CACNA2D1: variants seen among roughly 807,000 people sequenced by gnomAD.
The protein encoded by CACNA2D1 is calcium voltage-gated channel auxiliary subunit alpha2delta 1.
In CACNA2D1, 53 loss-of-function variants were observed where a neutral mutation model predicts 171.5. The observed-to-expected ratio is 0.31, with a 90% CI of 0.25 to 0.39. The LOEUF is 0.39. Among genes scored for constraint, CACNA2D1 ranks in the 10% least tolerant of loss-of-function variants. The pLI is 1.00. For synonymous variants in CACNA2D1, 442 were observed against 443.1 expected (o/e 1.00, Z 0.03); for missense variants, 903 against 1,299.8 (o/e 0.69, Z 4.69).
chr7:81,959,242 T>C lies in CACNA2D1; in HGVS notation c.3159+33A>G, dbSNP rs373831530. The C allele has an allele frequency of 2.8e-4, 398 of 1,406,148 alleles. No individual in the cohort carries two copies. Among genetic ancestry groups the C allele is most frequent in the Non-Finnish European group, 3.7e-4 (369 of 990,252 alleles). The allele number at this position is 1,406,148 out of a possible 1,614,324, so 87.1% of individuals were successfully genotyped here. Reference sequence around the variant, plus strand: ...CTTGCGGACAGTGACCATTAATTTATAGTATTTTAATCCAGTAGAAGTGTG... The same window carrying C: ...CTTGCGGACAGTGACCATTAATTTACAGTATTTTAATCCAGTAGAAGTGTG... On this transcript the variant is annotated intron_variant, in intron 38 of 38. Transcript: ENST00000356860.
At position 82,155,345 on chromosome 7, in the gene CACNA2D1, G is replaced by A. The variant is rs1794273946; in HGVS notation, c.354+15205C>T. Among the ~76,000 whole-genome samples the A allele has an allele frequency of 2.0e-5, 3 of 152,034 alleles. No homozygotes were observed. In the South Asian group the frequency reaches 6.2e-4, roughly 32 times the overall value. ...TACATTATTACAATTTGCAGATGAG[G>A]AAACTGATGTTCAGGTAGGTAAGCC... On this transcript the variant is annotated intron_variant, in intron 4 of 38. Coordinates refer to ENST00000356860, the MANE Select transcript of CACNA2D1 (RefSeq NM_000722.4).
At chr7:82,178,886 T>C (rs117876026) in intron 3 of CACNA2D1, among the ~76,000 whole-genome samples, 2,661 of 152,216 alleles carry the variant, frequency 0.017, 46 homozygotes, top group Middle Eastern at 0.054. Flanking sequence ...CAGTATCTTA[T>C]ACAACGTGCA....
Position 81,984,705 on chromosome 7 carries a change from G to C in CACNA2D1, c.1803C>G (p.Ala601=), listed in dbSNP as rs1796780182. Reference sequence around the variant, plus strand: ...AAAAACTGTAGGTTGGTAATACCAAGGCCAAACTGCAATAGAAACAAGAGA... The same window carrying C: ...AAAAACTGTAGGTTGGTAATACCAACGCCAAACTGCAATAGAAACAAGAGA... The part of the protein sequence containing the change: ...TPVNGTDYSL[A]LVLPTYSFYY... The change falls in exon 22 of 39, where the codon GCC becomes GCG. Residue 601 remains alanine, a synonymous_variant. Transcript: ENST00000356860. 2 of 1,525,910 alleles carry C rather than the reference G, an allele frequency of 1.3e-6. No individual in the cohort carries two copies. Among genetic ancestry groups the C allele is most frequent in the African/African-American group, 1.4e-5 (1 of 73,308 alleles). The allele number at this position is 1,525,910 out of a possible 1,614,324, so 94.5% of individuals were successfully genotyped here.
chr7:82,419,617 T>C (rs1242900912), intron 1 of CACNA2D1, among the ~76,000 whole-genome samples: 21 of 152,218 alleles, frequency 1.4e-4, no homozygotes, highest in Admixed American at 1.4e-3. Context: ...ATTTAACAGC[T>C]TAATTTAGAA....
chr7:82,194,433 G>A (rs909008145), intron 3 of CACNA2D1, among the ~76,000 whole-genome samples: 1 of 151,932 alleles, frequency 6.6e-6, no homozygotes, highest in African/African-American at 2.4e-5. Flanking sequence ...TTAATGATTT[G>A]TGTGTATGCT....
At chr7:82,218,719 A>G (rs925489098) in intron 3 of CACNA2D1, among the ~76,000 whole-genome samples, 1 of 152,160 alleles carries the variant, frequency 6.6e-6, no homozygotes, top group Non-Finnish European at 1.5e-5. Flanking sequence ...GTGATACTAT[A>G]CTAAAACTCA....
intron 3 of CACNA2D1, among the ~76,000 whole-genome samples, chr7:82,333,158 A>G (rs1031641570): frequency 5.9e-5 from 9 of 152,238 alleles, no homozygotes; most frequent in Admixed American, 2.6e-4. Context: ...GACAAAATAT[A>G]ATAAAGATAT....
chr7:82,233,570 C>A (rs1324267141), intron 3 of CACNA2D1, among the ~76,000 whole-genome samples: 2 of 151,988 alleles, frequency 1.3e-5, no homozygotes, highest in Admixed American at 6.6e-5. Context: ...AGAAGTTTAT[C>A]CCATGAGATC....
At chr7:82,368,809 C>A (rs968810532) in intron 1 of CACNA2D1, among the ~76,000 whole-genome samples, 1 of 152,128 alleles carries the variant, frequency 6.6e-6, no homozygotes, top group African/African-American at 2.4e-5. Context: ...ATAAACTAAT[C>A]CTCCTACACT....
intron 4 of CACNA2D1, among the ~76,000 whole-genome samples, chr7:82,160,144 A>G (rs899264613): frequency 3.9e-5 from 6 of 151,918 alleles, no homozygotes; most frequent in African/African-American, 9.7e-5. Context: ...CAGACTTCCT[A>G]CTAGCCTCTA....
intron 3 of CACNA2D1, among the ~76,000 whole-genome samples, chr7:82,315,269 A>G (rs75125538): frequency 0.11 from 17,434 of 152,128 alleles, 1,376 homozygotes; most frequent in African/African-American, 0.21. Flanking sequence ...TTTGCAAAAT[A>G]GCTGGTACCA....
At chr7:82,076,372 A>C (rs1256063389) in intron 7 of CACNA2D1, among the ~76,000 whole-genome samples, 3 of 152,076 alleles carry the variant, frequency 2.0e-5, no homozygotes, top group African/African-American at 2.4e-5. Context: ...CAACACCTCA[A>C]ACTTTACTGT....
chr7:82,287,651 C>T (rs6956715), intron 3 of CACNA2D1, among the ~76,000 whole-genome samples: 12,375 of 152,092 alleles, frequency 0.081, 1,673 homozygotes, highest in African/African-American at 0.28. Flanking sequence ...ATCTGGGATA[C>T]CATAGTATGA....
In CACNA2D1 at chr7:82,136,678, T is replaced by TAA. The variant is rs745770107; in HGVS notation, c.355-3_355-2insTT. On this transcript the variant is annotated splice_region_variant and splice_polypyrimidine_tract_variant and intron_variant, in intron 4 of 38. Transcript: ENST00000356860. ...ATTGTAGTAGACAACTTCATTGCTC[T>TAA]ACAAAAAAAAAAGAACGCTTTATTG... 4 of 1,561,916 alleles carry TAA rather than the reference T, an allele frequency of 2.6e-6. No individual in the cohort carries two copies. Among genetic ancestry groups the TAA allele is most frequent in the South Asian group, 2.3e-5 (2 of 85,304 alleles).
At chr7:82,288,086 C>T (rs576514527) in intron 3 of CACNA2D1, among the ~76,000 whole-genome samples, 1 of 151,592 alleles carries the variant, frequency 6.6e-6, no homozygotes, top group South Asian at 2.1e-4. Context: ...GTGATCTGCC[C>T]GCCTCGGCCT....
In CACNA2D1 at chr7:82,064,342, T is replaced by A. The variant is rs372164615; in HGVS notation, c.741A>T (p.Gly247=). 4.7e-5 allele frequency: 76 copies of A among 1,604,348 alleles called. No homozygotes were observed. The highest frequency in any genetic ancestry group is 6.4e-5 in the Non-Finnish European group (75 of 1,171,954). The change falls in exon 9 of 39, where the codon GGA becomes GGT. Residue 247 remains glycine, a synonymous_variant. Coordinates refer to ENST00000356860, the MANE Select transcript of CACNA2D1 (RefSeq NM_000722.4). ...DVRRRPWYIQ[G]AASPKDMLIL... ...TAAGCATGTCTTTAGGAGATGCAGC[T>A]CCTTGGATGTACCTGAAACAAATAT...
chr7:82,378,424 A>T (rs566210057), intron 1 of CACNA2D1, among the ~76,000 whole-genome samples: 46 of 152,286 alleles, frequency 3.0e-4, no homozygotes, highest in South Asian at 1.5e-3. Context: ...AAATAAATTT[A>T]AAAAATATTT....
intron 3 of CACNA2D1, among the ~76,000 whole-genome samples, chr7:82,174,522 A>G (rs1796367667): frequency 2.6e-5 from 4 of 152,116 alleles, no homozygotes; most frequent in Admixed American, 2.6e-4. Flanking sequence ...ACTTACAACT[A>G]TAACAAAATA....
intron 3 of CACNA2D1, among the ~76,000 whole-genome samples, chr7:82,185,522 A>G (rs1196558776): frequency 3.6e-4 from 5 of 13,774 alleles, no homozygotes; most frequent in Admixed American, 1.3e-3. Flanking sequence ...GAGGAGGGGG[A>G]GGAGGAGGAG....
Sources: allele counts gnomAD v4.1 joint callset (sites outside exome capture counted in the v4.1 genomes callset), GRCh38; gene constraint gnomAD v4.1.1; transcripts MANE v1.5; gene names NCBI Gene and HGNC (gene_info 2026-07-23, HGNC 2026-07-21).